The following DLG5 variants were observed in gnomAD, a reference collection of about 807,000 sequenced individuals.
DLG5 encodes disks large homolog 5.
A neutral mutation model predicts 189.8 loss-of-function variants in DLG5; 48 were observed. The observed-to-expected ratio is 0.25, with a 90% confidence interval of 0.20 to 0.32. DLG5 has a LOEUF of 0.32. DLG5 is among the 10% of genes least tolerant of loss of function. The pLI is 1.00. For synonymous variants in DLG5, 1,016 were observed against 1,054.1 expected (o/e 0.96, Z 0.70); for missense variants, 2,160 against 2,544.7 (o/e 0.85, Z 3.25).
chr10:77,921,871 G>A (rs928431017), intron 1 of DLG5, among the ~76,000 whole-genome samples: 2 of 152,208 alleles, frequency 1.3e-5, no homozygotes, highest in South Asian at 4.1e-4. Context: ...CAGGCAATGA[G>A]CACGCGAGAG....
chr10:77,907,993 G>A (rs962380015), intron 1 of DLG5, among the ~76,000 whole-genome samples: 10 of 152,158 alleles, frequency 6.6e-5, no homozygotes, highest in African/African-American at 1.9e-4. Context: ...AACCACCCAT[G>A]TGTGGCCATG....
chr10:77,825,402 A>G (rs1842580949), intron 13 of DLG5, among the ~76,000 whole-genome samples: 1 of 151,612 alleles, frequency 6.6e-6, no homozygotes, highest in African/African-American at 2.4e-5. Context: ...ACACACACAC[A>G]CACACACACA....
intron 2 of DLG5, chr10:77,867,225 A>G (rs145362658): frequency 2.5e-6 from 1 of 396,822 alleles, no homozygotes; most frequent in African/African-American, 2.0e-5. Context: ...CATCAGCAGT[A>G]ATTGCTATGG....
In DLG5 at chr10:77,807,936, G is replaced by C. The variant is rs754308138; in HGVS notation, c.4656C>G (p.Ser1552Arg). ...VPGDLILEYG[S>R]LDVRNKTVEE... is the part of the protein sequence containing the mutation. The stretch of plus-strand genomic sequence containing the variant: ...CCACTGTCTTGTTCCGCACGTCCAG[G>C]CTGCCATACTGCCAGGGATGGGGGT... Residue 1552 changes from serine (S) to arginine (R), a missense_variant, in exon 25 of 32, where the codon AGC becomes AGG. This residue lies in a region of DLG5 where 574 missense variants were observed against 644.2 expected (regional missense o/e 0.89). Coordinates refer to ENST00000372391, the MANE Select transcript of DLG5 (RefSeq NM_004747.4). 1 of 1,614,158 alleles carries C rather than the reference G, an allele frequency of 6.2e-7. No individual in the cohort carries two copies. Among genetic ancestry groups the C allele is most frequent in the Non-Finnish European group, 8.5e-7 (1 of 1,180,014 alleles).
chr10:77,829,518 C>T lies in DLG5; in HGVS notation c.2022G>A (p.Trp674Ter). The T allele has an allele frequency of 6.2e-7, 1 of 1,607,550 alleles. No homozygotes were observed. The highest frequency in any genetic ancestry group is 8.5e-7 in the Non-Finnish European group (1 of 1,176,168). Residue 674 changes from tryptophan to a stop codon, truncating the protein, a stop_gained, in exon 12 of 32, where the codon TGG becomes TGA. Transcript: ENST00000372391. LOFTEE classifies it high-confidence loss of function. ...IADGRLRVND[W>*]LLRINDVDLI... ...GGTCCACATCGTTGATTCTCAGCAGCCAGTCATTGACCCTGAGAAAGGGCA... is the reference window on the plus strand; with the variant it reads ...GGTCCACATCGTTGATTCTCAGCAGTCAGTCATTGACCCTGAGAAAGGGCA...
the DLG5 span, among the ~76,000 whole-genome samples, chr10:77,939,110 G>A: frequency 2.0e-5 from 3 of 152,198 alleles, no homozygotes; most frequent in East Asian, 5.8e-4. Flanking sequence ...AACCCGGGAG[G>A]CAGAGGTTGC....
intron 1 of DLG5, among the ~76,000 whole-genome samples, chr10:77,917,560 C>G (rs1278208436): frequency 6.7e-6 from 1 of 149,926 alleles, no homozygotes; most frequent in East Asian, 2.0e-4. Flanking sequence ...GAGAGAAAGA[C>G]AGCAAGAAAG....
intron 20 of DLG5, among the ~76,000 whole-genome samples, chr10:77,814,636 G>C (rs1008898511): frequency 6.6e-6 from 1 of 151,488 alleles, no homozygotes; most frequent in African/African-American, 2.4e-5. Flanking sequence ...GTGCAGTGGC[G>C]CAATCTCAGC....
At chr10:77,793,272 CCA>C (rs59847887) in intron 31 of DLG5, 135 of 150,288 alleles carry the variant, frequency 9.0e-4, no homozygotes, top group African/African-American at 2.0e-3. Flanking sequence ...ACACACACAC[CCA>C]CACACACACA....
At position 77,860,645 on chromosome 10, in the gene DLG5, C is replaced by T. The variant is rs148053755; in HGVS notation, c.374-3753G>A. On this transcript the variant is annotated intron_variant, in intron 2 of 31. Coordinates refer to ENST00000372391, the MANE Select transcript of DLG5 (RefSeq NM_004747.4). ...ATGCTTTTCATACATTATCCCATTT[C>T]GATCCTCATAAGGTAAATATCACTG... is the stretch of plus-strand genomic sequence containing the variant. Among the ~76,000 whole-genome samples the T allele has an allele frequency of 2.1e-3, 318 of 152,264 alleles. 1 individual carries two copies. The highest frequency in any genetic ancestry group is 7.5e-3 in the African/African-American group (311 of 41,548).
At chr10:77,835,433 C>T (rs1005742711) in intron 8 of DLG5, among the ~76,000 whole-genome samples, 4 of 152,192 alleles carry the variant, frequency 2.6e-5, no homozygotes, top group Non-Finnish European at 5.9e-5. Context: ...TTCGGATGTG[C>T]TCTTCTCATC....
intron 26 of DLG5, 189 bp from the exon 27 acceptor site, chr10:77,806,050 A>C: frequency 1.8e-6 from 1 of 549,468 alleles, no homozygotes; most frequent in East Asian, 3.0e-5. Context: ...GGGGTGACAC[A>C]AACACCAGCA....
intron 30 of DLG5, among the ~76,000 whole-genome samples, chr10:77,794,319 G>GCA (rs1840795260): frequency 6.6e-6 from 1 of 152,218 alleles, no homozygotes; most frequent in South Asian, 2.1e-4. Flanking sequence ...GGGCCCCCCA[G>GCA]CACACACACT....
chr10:77,792,675 C>T, intron 31 of DLG5, 132 bp from the exon 32 acceptor site: 1 of 757,228 alleles, frequency 1.3e-6, no homozygotes, highest in Non-Finnish European at 2.2e-6. Context: ...TGCTCCATCC[C>T]CACCTGACTC....
intron 1 of DLG5, among the ~76,000 whole-genome samples, chr10:77,906,354 C>T (rs559123296): frequency 1.3e-5 from 2 of 152,312 alleles, no homozygotes; most frequent in East Asian, 1.9e-4. Context: ...GGATTCTTAC[C>T]AAACCTGACT....
rs1312333036 is a variant in DLG5, at chr10:77,821,233, T to A, written c.3251A>T (p.Asp1084Val). 6.2e-7 allele frequency: 1 copy of A among 1,613,626 alleles called. No homozygotes were observed. Among genetic ancestry groups the A allele is most frequent in the Admixed American group, 1.7e-5 (1 of 59,986 alleles). ...TTTCTTGGCCGGCAGGTGGGAGGAG[T>A]CCCCATCTCCTTCAGGGTAGTAGCT... ...ASSYYPEGDG[D>V]SSHLPAKKSC... Residue 1084 changes from aspartate (D) to valine (V), a missense_variant, in exon 15 of 32, where the codon GAC (aspartate) becomes GTC (valine). Asp to Val is a radical substitution (Grantham distance 152). This residue lies in a region of DLG5 where 754 missense variants were observed against 746.5 expected (regional missense o/e 1.01). Coordinates refer to ENST00000372391, the MANE Select transcript of DLG5 (RefSeq NM_004747.4).
chr10:77,817,092 A>G lies in DLG5; in HGVS notation c.3789T>C (p.Ser1263=). 1 of 1,614,190 alleles carries G rather than the reference A, an allele frequency of 6.2e-7. No individual in the cohort carries two copies. Among genetic ancestry groups the G allele is most frequent in the Non-Finnish European group, 8.5e-7 (1 of 1,180,026 alleles). Reference sequence around the variant, plus strand: ...CCGCCTTGAACTGCAAGTTACTCGAAGAACCTATTGTTCCATAAGGGAACA... The same window carrying G: ...CCGCCTTGAACTGCAAGTTACTCGAGGAACCTATTGTTCCATAAGGGAACA... ...NSLPSSARLG[S]SSNLQFKAER... The change falls in exon 19 of 32, where the codon TCT becomes TCC. Residue 1263 remains serine, a synonymous_variant. Coordinates refer to ENST00000372391, the MANE Select transcript of DLG5 (RefSeq NM_004747.4).
intron 1 of DLG5, among the ~76,000 whole-genome samples, chr10:77,910,969 G>A (rs939203655): frequency 1.1e-4 from 15 of 136,404 alleles, no homozygotes; most frequent in Admixed American, 1.0e-3. Context: ...GTGTGACAGA[G>A]CGAGATTCTG....
At chr10:77,890,967 T>C (rs946228611) in intron 1 of DLG5, among the ~76,000 whole-genome samples, 4 of 152,150 alleles carry the variant, frequency 2.6e-5, no homozygotes, top group African/African-American at 9.7e-5. Flanking sequence ...CAGACTATAG[T>C]GCCACTTGCT....
Sources: allele counts gnomAD v4.1 joint callset (sites outside exome capture counted in the v4.1 genomes callset), GRCh38; gene constraint gnomAD v4.1.1; regional missense constraint gnomAD v4.1.1; transcripts MANE v1.5; gene names NCBI Gene and HGNC (gene_info 2026-07-23, HGNC 2026-07-21).